The following CCDC175 variants were observed in gnomAD, a reference collection of about 807,000 sequenced individuals.
CCDC175 encodes the protein coiled-coil domain-containing protein 175.
CCDC175 carries 100 observed loss-of-function variants against 114.6 expected under a neutral mutation model. The observed-to-expected ratio is 0.87, with a 90% CI of 0.74 to 1.03. The LOEUF (loss-of-function observed/expected upper bound fraction) is 1.03. Ranked by LOEUF, CCDC175 falls within the 50% of genes least tolerant of loss-of-function variation. CCDC175 has a pLI of 0.00. For synonymous variants in CCDC175, 306 were observed against 308.7 expected, an observed-to-expected ratio of 0.99 and a Z score of 0.09; for missense variants, 880 against 917.8, an observed-to-expected ratio of 0.96 and a Z score of 0.53.
At position 59,557,648 on chromosome 14, in the gene CCDC175, T is replaced by C. The variant is rs148737690; in HGVS notation, c.953+3471A>G. On this transcript the variant is annotated intron_variant, in intron 7 of 19. Transcript: ENST00000537690. Reference sequence around the variant, plus strand: ...AAGAAAAAGAAAAAAAAAAAGAACATGCTTTCCAGAAAAGTCATATTTCCT... The same window carrying C: ...AAGAAAAAGAAAAAAAAAAAGAACACGCTTTCCAGAAAAGTCATATTTCCT... Among the ~76,000 whole-genome samples, 183 of 149,700 alleles carry C rather than the reference T, an allele frequency of 1.2e-3. 6 individuals carry two copies. The East Asian group carries it at 0.03, about 25-fold the overall frequency.
intron 16 of CCDC175, among the ~76,000 whole-genome samples, chr14:59,524,720 C>A (rs1893640248): frequency 1.3e-5 from 2 of 152,102 alleles, no homozygotes. Flanking sequence ...GATGTACACT[C>A]AACAGAAATA....
intron 17 of CCDC175, among the ~76,000 whole-genome samples, chr14:59,519,329 G>T (rs764577037): frequency 3.3e-5 from 5 of 151,800 alleles, no homozygotes; most frequent in Non-Finnish European, 7.4e-5. Flanking sequence ...TAAAAAAAAA[G>T]TTCACTTGAA....
chr14:59,549,719 C>CAAAAAAAAAAAAAAAAAA (rs370269871), intron 8 of CCDC175, among the ~76,000 whole-genome samples: 36 of 89,602 alleles, frequency 4.0e-4, no homozygotes, highest in African/African-American at 1.3e-3. Flanking sequence ...GACTATGTCT[C>CAAAAAAAAAAAAAAAAAA]AAAAAAAAAA....
At chr14:59,537,961 T>G in intron 13 of CCDC175, 62 bp downstream of exon 13, 17 of 1,100,000 alleles carry the variant, frequency 1.5e-5, no homozygotes, top group East Asian at 5.6e-5. Context: ...GCATGAAATA[T>G]TATTCCCCCT....
intron 19 of CCDC175, among the ~76,000 whole-genome samples, chr14:59,506,937 CTAACA>C (rs1164993573): frequency 3.3e-5 from 5 of 149,682 alleles, no homozygotes; most frequent in African/African-American, 5.0e-5. Flanking sequence ...TTTATGTAAC[CTAACA>C]TAATATATGA....
intron 8 of CCDC175, 77 bp downstream of exon 8, chr14:59,551,278 A>G: frequency 1.4e-6 from 1 of 697,140 alleles, no homozygotes; most frequent in Non-Finnish European, 2.2e-6. Context: ...AAAATTCTAT[A>G]TTTCTCACAT....
At chr14:59,576,571 CG>C (rs1318928818) in intron 1 of CCDC175, 47 bp downstream of exon 1, 1 of 1,365,936 alleles carries the variant, frequency 7.3e-7, no homozygotes, top group Non-Finnish European at 9.4e-7. Flanking sequence ...GCCTCCTAAG[CG>C]CCACCTCTGA....
At chr14:59,559,616 A>G (rs1039993107) in intron 7 of CCDC175, among the ~76,000 whole-genome samples, 1 of 152,190 alleles carries the variant, frequency 6.6e-6, no homozygotes, top group Non-Finnish European at 1.5e-5. Flanking sequence ...CTGATTCTTC[A>G]AATCCACCAA....
chr14:59,537,859 G>T lies in CCDC175; in HGVS notation c.1623+164C>A, dbSNP rs12431455. Among the ~76,000 whole-genome samples, 1,440 of 152,030 alleles carry T rather than the reference G, an allele frequency of 9.5e-3. 83 individuals are homozygous for T. The East Asian group carries it at 0.17, about 18-fold the overall frequency. ...CTGAAAAAATATTTCTTATTGCTCT[G>T]CTTCCTCTTCAGGAAAAGAAGAAAG... On this transcript the variant is annotated intron_variant, in intron 13 of 19. Coordinates refer to ENST00000537690, the MANE Select transcript of CCDC175 (RefSeq NM_001164399.2).
chr14:59,530,364 C>T (rs1467131454), intron 14 of CCDC175, among the ~76,000 whole-genome samples: 1 of 142,192 alleles, frequency 7.0e-6, no homozygotes, highest in African/African-American at 2.6e-5. Flanking sequence ...GAGACTCCAT[C>T]TCAAAAAAAG....
At chr14:59,557,744 C>G (rs1895998369) in intron 7 of CCDC175, among the ~76,000 whole-genome samples, 2 of 151,512 alleles carry the variant, frequency 1.3e-5, no homozygotes, top group African/African-American at 4.9e-5. Context: ...TCAAAATAAA[C>G]AAAAATGTAT....
At position 59,543,334 on chromosome 14, in the gene CCDC175, A is replaced by G; in HGVS notation, c.1283+10T>C. 1 of 1,085,416 alleles carries G rather than the reference A, an allele frequency of 9.2e-7. No individual in the cohort carries two copies. The highest frequency in any genetic ancestry group is 1.3e-6 in the Non-Finnish European group (1 of 784,682). The allele number at this position is 1,085,416 out of a possible 1,614,324, so 67.2% of individuals were successfully genotyped here. ...GTAAAGATAAAAAATTTCAAAGGCA[A>G]CAAACATACTGTTGAAGTTCCTGGA... is the stretch of plus-strand genomic sequence containing the variant. On this transcript the variant is annotated intron_variant, in intron 10 of 19. Transcript: ENST00000537690.
intron 15 of CCDC175, 40 bp downstream of exon 15, chr14:59,527,055 A>C (rs1893783888): frequency 9.1e-7 from 1 of 1,098,636 alleles, no homozygotes; most frequent in African/African-American, 1.6e-5. Flanking sequence ...CCACTATTCT[A>C]ATAATAATAA....
chr14:59,531,895 C>G lies in CCDC175; in HGVS notation c.1639G>C (p.Glu547Gln), dbSNP rs1478811125. 3.3e-6 allele frequency: 4 copies of G among 1,207,452 alleles called. No individual in the cohort carries two copies. Among genetic ancestry groups the G allele is most frequent in the Non-Finnish European group, 4.6e-6 (4 of 863,780 alleles). The allele number at this position is 1,207,452 out of a possible 1,614,324, so 74.8% of individuals were successfully genotyped here. ...TCCTTTTCTTTGTTAATTTGTGTTT[C>G]CTTAACAAATATTTCCTTTAAAGAA... Reference protein sequence around the residue: ...LSKYEEIFVKETQINKEKEEE... With the variant: ...LSKYEEIFVKQTQINKEKEEE... Residue 547 changes from glutamate (E) to glutamine (Q), a missense_variant, in exon 14 of 20, where the codon GAA becomes CAA. Coordinates refer to ENST00000537690, the MANE Select transcript of CCDC175 (RefSeq NM_001164399.2).
rs369154209 is a variant in CCDC175, at chr14:59,510,685, G to A, written c.2266C>T (p.Arg756Cys). The change falls in exon 19 of 20, where the codon CGT becomes TGT. Residue 756 changes from arginine (R) to cysteine (C), a missense_variant. By Grantham distance (180) the Arg-to-Cys change is radical (BLOSUM62 -3). Coordinates refer to ENST00000537690, the MANE Select transcript of CCDC175 (RefSeq NM_001164399.2). The stretch of plus-strand genomic sequence containing the variant: ...GGTGATTCCTGTTCCACAAGCAAAC[G>A]CAGCCCTTCAAGACTCCCTCGTAGC... ...TWLRGSLEGL[R>C]LLVEQESPMD... 2.7e-5 allele frequency: 42 copies of A among 1,537,086 alleles called. No homozygotes were observed. The highest frequency in any genetic ancestry group is 1.7e-4 in the Middle Eastern group (1 of 5,990).
At chr14:59,546,136 TA>T (rs932735469) in intron 8 of CCDC175, among the ~76,000 whole-genome samples, 15 of 152,124 alleles carry the variant, frequency 9.9e-5, no homozygotes, top group African/African-American at 3.4e-4. Flanking sequence ...TATGCAGCCA[TA>T]AAAAAGAATG....
Position 59,576,808 on chromosome 14 carries a change from G to C in CCDC175, c.-33C>G. On this transcript the variant is annotated 5_prime_UTR_variant, in exon 1 of 20. Coordinates refer to ENST00000537690, the MANE Select transcript of CCDC175 (RefSeq NM_001164399.2). The stretch of plus-strand genomic sequence containing the variant: ...CTCTACTTGAGCGCCTCCTAAGCCA[G>C]AGCCAAGGATTGCCGGTTGCCACGG... 1 of 1,398,602 alleles carries C rather than the reference G, an allele frequency of 7.2e-7. No homozygotes were observed. The highest frequency in any genetic ancestry group is 9.2e-7 in the Non-Finnish European group (1 of 1,084,662). The allele number at this position is 1,398,602 out of a possible 1,614,324, so 86.6% of individuals were successfully genotyped here. A position where few individuals can be genotyped will look rare whatever the true frequency, so the allele number is the denominator to read the frequency against.
At chr14:59,539,708 G>A (rs1566614175) in intron 11 of CCDC175, among the ~76,000 whole-genome samples, 1 of 152,112 alleles carries the variant, frequency 6.6e-6, no homozygotes, top group Non-Finnish European at 1.5e-5. Flanking sequence ...GAGGCCAAGA[G>A]TTTGAGAGCA....
At chr14:59,565,424 G>T in intron 4 of CCDC175, 149 bp from the exon 5 acceptor site, 1 of 724,224 alleles carries the variant, frequency 1.4e-6, no homozygotes, top group Non-Finnish European at 2.2e-6. Flanking sequence ...TTGGTTGAAG[G>T]CCAGGTGCAG....
Sources: gnomAD v4.1 joint callset for allele counts (sites outside exome capture counted in the v4.1 genomes callset) on GRCh38, gnomAD v4.1.1 for gene constraint, MANE v1.5 for transcripts, NCBI Gene and HGNC (gene_info 2026-07-23, HGNC 2026-07-21) for gene names.